DPYS: variants seen among roughly 807,000 people sequenced by gnomAD.
The protein encoded by DPYS is dihydropyrimidine amidohydrolase.
Under a neutral mutation model 50.3 loss-of-function variants are expected in DPYS, and 39 were observed. The observed-to-expected ratio is 0.78, with a 90% CI of 0.60 to 1.01. The LOEUF is 1.01. Ranked by LOEUF, DPYS falls within the 50% of genes least tolerant of loss-of-function variation. The pLI is 0.00. For synonymous variants in DPYS, 245 were observed against 250.7 expected, an observed-to-expected ratio of 0.98 and a Z score of 0.22; for missense variants, 659 against 680.9, an observed-to-expected ratio of 0.97 and a Z score of 0.36.
At chr8:104,393,066 G>A (rs559840036) in intron 7 of DPYS, 75 bp from the exon 8 acceptor site, 53 of 1,395,974 alleles carry the variant, frequency 3.8e-5, no homozygotes, top group African/African-American at 2.7e-4. Flanking sequence ...ATTAAAAGAA[G>A]AATGACTTAG....
chr8:104,419,308 A>G (rs905680139), intron 7 of DPYS, among the ~76,000 whole-genome samples: 5 of 152,206 alleles, frequency 3.3e-5, no homozygotes, highest in Non-Finnish European at 7.3e-5. Context: ...CCAATCTTCC[A>G]TGCCGTGTGG....
At chr8:104,401,670 A>C (rs1005685052) in intron 7 of DPYS, among the ~76,000 whole-genome samples, 1 of 152,172 alleles carries the variant, frequency 6.6e-6, no homozygotes, top group Non-Finnish European at 1.5e-5. Flanking sequence ...GCCAAAATTG[A>C]CCAGTCATTC....
At chr8:104,413,133 A>G (rs779119092) in intron 7 of DPYS, among the ~76,000 whole-genome samples, 3 of 152,226 alleles carry the variant, frequency 2.0e-5, no homozygotes, top group Admixed American at 6.5e-5. Context: ...AATTGCAAAC[A>G]ACCTGAATGT....
intron 4 of DPYS, 114 bp from the exon 5 acceptor site, chr8:104,429,815 T>C (rs1229504505): frequency 5.4e-5 from 71 of 1,313,090 alleles, no homozygotes; most frequent in South Asian, 2.5e-4. Context: ...ATCTACAGTT[T>C]AGCAGAATCC....
rs776187541 is a variant in DPYS, at chr8:104,447,521, C to T, written c.424-18G>A. The T allele has an allele frequency of 6.2e-7, 1 of 1,613,360 alleles. No individual in the cohort carries two copies. Among genetic ancestry groups the T allele is most frequent in the African/African-American group, 1.3e-5 (1 of 75,020 alleles). On this transcript the variant is annotated intron_variant, in intron 2 of 9. Coordinates refer to ENST00000351513, the MANE Select transcript of DPYS (RefSeq NM_001385.3). ...TCTTTAACCTAAAAGGAAGCAGCAA[C>T]CATAACAACAATATGTTACTCTAAT... is the stretch of plus-strand genomic sequence containing the variant.
intron 7 of DPYS, chr8:104,423,852 T>A (rs1284967916): frequency 1.8e-6 from 1 of 567,394 alleles, no homozygotes; most frequent in Non-Finnish European, 2.2e-6. Flanking sequence ...GTGCTGGAAT[T>A]TTTCTATCTG....
intron 7 of DPYS, among the ~76,000 whole-genome samples, chr8:104,405,892 G>A (rs548023540): frequency 1.1e-4 from 16 of 152,356 alleles, no homozygotes; most frequent in African/African-American, 3.6e-4. Flanking sequence ...CAGATGCTCC[G>A]GGATCTGCTG....
At chr8:104,397,969 G>A (rs1811647870) in intron 7 of DPYS, among the ~76,000 whole-genome samples, 1 of 152,230 alleles carries the variant, frequency 6.6e-6, no homozygotes, top group African/African-American at 2.4e-5. Context: ...ACCAAACAGT[G>A]TTTAAAATCT....
At chr8:104,430,629 A>G (rs552626109) in intron 4 of DPYS, among the ~76,000 whole-genome samples, 5 of 152,216 alleles carry the variant, frequency 3.3e-5, no homozygotes, top group Non-Finnish European at 7.3e-5. Context: ...GAGTACTGAC[A>G]GTAGATGGCC....
At chr8:104,419,040 T>G in intron 7 of DPYS, 4 of 985,462 alleles carry the variant, frequency 4.1e-6, no homozygotes, top group South Asian at 4.7e-5. Flanking sequence ...CTTAACAAAC[T>G]CGTTGCTCCA....
intron 4 of DPYS, among the ~76,000 whole-genome samples, chr8:104,430,126 C>T (rs935310578): frequency 6.6e-6 from 1 of 151,980 alleles, no homozygotes; most frequent in African/African-American, 2.4e-5. Flanking sequence ...AATTTGAACC[C>T]AGAATTTGAC....
chr8:104,441,917 C>T (rs1429477515), intron 4 of DPYS, among the ~76,000 whole-genome samples: 1 of 152,034 alleles, frequency 6.6e-6, no homozygotes, highest in Non-Finnish European at 1.5e-5. Context: ...GTGGGCTGAC[C>T]TTCAGAACAT....
At chr8:104,385,489 T>G (rs1811182629) in intron 8 of DPYS, among the ~76,000 whole-genome samples, 1 of 152,232 alleles carries the variant, frequency 6.6e-6, no homozygotes, top group Non-Finnish European at 1.5e-5. Flanking sequence ...CCCCAGTACA[T>G]GCTGGTCAAG....
intron 7 of DPYS, among the ~76,000 whole-genome samples, chr8:104,416,910 TC>T (rs1307333011): frequency 6.6e-6 from 1 of 151,782 alleles, no homozygotes; most frequent in African/African-American, 2.4e-5. Flanking sequence ...CAGTCATTCT[TC>T]CCCCGCTTTA....
In DPYS at chr8:104,431,320, A is replaced by G. The variant is rs944369464; in HGVS notation, c.794-1619T>C. On this transcript the variant is annotated intron_variant, in intron 4 of 9. Transcript: ENST00000351513. Reference sequence around the variant, plus strand: ...AGTCTGCCAGGACTGTTTTGAAACCAGATGACAGGTAATTTCCTTGGAAGG... The same window carrying G: ...AGTCTGCCAGGACTGTTTTGAAACCGGATGACAGGTAATTTCCTTGGAAGG... Among the ~76,000 whole-genome samples the G allele has an allele frequency of 2.0e-5, 3 of 152,022 alleles. No individual in the cohort carries two copies. In the East Asian group the frequency reaches 5.8e-4, roughly 29 times the overall value.
intron 4 of DPYS, among the ~76,000 whole-genome samples, chr8:104,436,283 G>A (rs902238323): frequency 6.6e-6 from 1 of 152,002 alleles, no homozygotes; most frequent in Non-Finnish European, 1.5e-5. Flanking sequence ...AACAGCACAC[G>A]CACACACAAA....
intron 7 of DPYS, 97 bp from the exon 8 acceptor site, chr8:104,393,088 G>A (rs976548793): frequency 8.9e-7 from 1 of 1,129,402 alleles, no homozygotes; most frequent in African/African-American, 1.6e-5. Flanking sequence ...AGAAAACTTA[G>A]CAACTCTATT....
chr8:104,450,482 A>G (rs940798501), intron 2 of DPYS, among the ~76,000 whole-genome samples: 4 of 152,250 alleles, frequency 2.6e-5, no homozygotes, highest in Admixed American at 6.5e-5. Flanking sequence ...GTGGAAAAAC[A>G]TGTTGCAATT....
At position 104,447,336 on chromosome 8, in the gene DPYS, G is replaced by A; in HGVS notation, c.591C>T (p.Asp197=). ...AIAQVHAENG[D]LIAEGAKKML... ...TGCAAATGCGTACCTCTGCAATTAA[G>A]TCTCCATTTTCCGCATGGACCTGGG... The change falls in exon 3 of 10, where the codon GAC becomes GAT. Residue 197 remains aspartate (D), a synonymous_variant. Coordinates refer to ENST00000351513, the MANE Select transcript of DPYS (RefSeq NM_001385.3). The A allele has an allele frequency of 3.7e-6, 6 of 1,614,024 alleles. No individual in the cohort carries two copies. Among genetic ancestry groups the A allele is most frequent in the Non-Finnish European group, 5.1e-6 (6 of 1,180,006 alleles).
Sources: allele counts gnomAD v4.1 joint callset (sites outside exome capture counted in the v4.1 genomes callset), GRCh38; gene constraint gnomAD v4.1.1; transcripts MANE v1.5; gene names NCBI Gene and HGNC (gene_info 2026-07-23, HGNC 2026-07-21).